The following SPAG1 variants were observed in gnomAD, a reference collection of about 807,000 sequenced individuals.
SPAG1 encodes sperm associated antigen 1.
SPAG1 carries 69 observed loss-of-function variants against 100.5 expected under a neutral mutation model. That is an observed-to-expected ratio of 0.69 (90% CI 0.57 to 0.84). The LOEUF is 0.84. Among genes scored for constraint, SPAG1 ranks in the 40% least tolerant of loss-of-function variants. The pLI, the probability that SPAG1 is intolerant of heterozygous loss-of-function variation, is 0.00. For synonymous variants in SPAG1, 336 were observed against 411.6 expected, an observed-to-expected ratio of 0.82 and a Z score of 2.22; for missense variants, 955 against 1,133.1, an observed-to-expected ratio of 0.84 and a Z score of 2.26.
intron 10 of SPAG1, 134 bp downstream of exon 10, chr8:100,194,402 G>A: frequency 7.9e-7 from 1 of 1,267,084 alleles, no homozygotes; most frequent in Non-Finnish European, 1.1e-6. Flanking sequence ...TCACAAGCCA[G>A]TTTCGCTCAT....
rs141001200 is a variant in SPAG1 at position 100,238,288 on chromosome 8, TC to T, written c.2116-949del. ...ATAAACTAGAGCAGATTTAAGGTTA[TC>T]CCTTTAAATATGTCCCTCTTGCTCT... On this transcript the variant is annotated intron_variant, in intron 16 of 18. Transcript: ENST00000388798. Among the ~76,000 whole-genome samples the T allele has an allele frequency of 5.1e-3, 779 of 152,302 alleles. 9 individuals carry two copies. The highest frequency in any genetic ancestry group is 0.018 in the African/African-American group (762 of 41,562).
In SPAG1 at chr8:100,189,681, G is replaced by A. The variant is rs1395807057; in HGVS notation, c.833-1709G>A. ...AAAAAAATAAATAAATACAGAATAT[G>A]TTAGCATTAGGTAAAGCTGAGTTAA... is the stretch of plus-strand genomic sequence containing the variant. On this transcript the variant is annotated intron_variant, in intron 8 of 18. Coordinates refer to ENST00000388798, the MANE Select transcript of SPAG1 (RefSeq NM_003114.5). Among the ~76,000 whole-genome samples, 3 of 152,136 alleles carry A rather than the reference G, an allele frequency of 2.0e-5. No homozygotes were observed. In the East Asian group the frequency reaches 5.8e-4, roughly 29 times the overall value.
chr8:100,202,020 T>C (rs894827665), intron 10 of SPAG1, among the ~76,000 whole-genome samples: 4 of 152,162 alleles, frequency 2.6e-5, no homozygotes, highest in African/African-American at 9.7e-5. Flanking sequence ...GGCCCAGACT[T>C]GTAACTGGTG....
intron 13 of SPAG1, 95 bp downstream of exon 13, chr8:100,220,526 T>C (rs993570467): frequency 9.7e-7 from 1 of 1,031,804 alleles, no homozygotes; most frequent in Middle Eastern, 2.2e-4. Flanking sequence ...AGATGTGTTA[T>C]CAGTTACTTT....
intron 13 of SPAG1, among the ~76,000 whole-genome samples, chr8:100,223,578 A>G (rs886531489): frequency 1.5e-5 from 2 of 136,886 alleles, no homozygotes; most frequent in Admixed American, 8.1e-5. Context: ...AAACAGCAGA[A>G]GCTTTTTTTT....
At chr8:100,202,526 C>T (rs1817323741) in intron 10 of SPAG1, among the ~76,000 whole-genome samples, 3 of 149,764 alleles carry the variant, frequency 2.0e-5, no homozygotes, top group Non-Finnish European at 3.0e-5. Flanking sequence ...CTGGCTAACA[C>T]GGTGAAACCC....
chr8:100,167,115 C>G (rs1362101195), intron 3 of SPAG1, among the ~76,000 whole-genome samples: 2 of 152,012 alleles, frequency 1.3e-5, no homozygotes, highest in African/African-American at 4.8e-5. Flanking sequence ...CCCAAGAGTT[C>G]AAGGCCAGCC....
intron 1 of SPAG1, among the ~76,000 whole-genome samples, chr8:100,160,022 T>A (rs1042299179): frequency 6.6e-6 from 1 of 152,232 alleles, no homozygotes; most frequent in African/African-American, 2.4e-5. Flanking sequence ...ACTTAAAACC[T>A]ACCCGGTACA....
At chr8:100,210,871 AG>A (rs1817690744) in intron 10 of SPAG1, among the ~76,000 whole-genome samples, 1 of 150,292 alleles carries the variant, frequency 6.7e-6, no homozygotes, top group African/African-American at 2.5e-5. Flanking sequence ...CCTGTCGCCC[AG>A]GGTGGAGTGC....
Position 100,206,767 on chromosome 8 carries a change from G to A in SPAG1, c.1097-6323G>A, listed in dbSNP as rs73280938. Among the ~76,000 whole-genome samples, 749 of 152,240 alleles carry A rather than the reference G, an allele frequency of 4.9e-3. 11 individuals are homozygous for A. Among genetic ancestry groups the A allele is most frequent in the African/African-American group, 0.018 (730 of 41,538 alleles). ...TGTCACAAGGCCTATTTGGATTTTC[G>A]AGGCAACACATTCTTCATTTGGGTG... On this transcript the variant is annotated intron_variant, in intron 10 of 18. Transcript: ENST00000388798.
chr8:100,223,912 G>T (rs1420247469), intron 13 of SPAG1, among the ~76,000 whole-genome samples: 1 of 151,928 alleles, frequency 6.6e-6, no homozygotes, highest in East Asian at 1.9e-4. Flanking sequence ...TTAAGAAACT[G>T]TAGGGAAATT....
intron 12 of SPAG1, among the ~76,000 whole-genome samples, chr8:100,216,931 CTTTTTT>C (rs141365826): frequency 4.8e-5 from 4 of 84,152 alleles, no homozygotes; most frequent in African/African-American, 1.5e-4. Flanking sequence ...TCCATGAGTT[CTTTTTT>C]TTTTTTTTTT....
chr8:100,186,830 C>A (rs1816606378), intron 7 of SPAG1, among the ~76,000 whole-genome samples: 1 of 152,102 alleles, frequency 6.6e-6, no homozygotes, highest in Non-Finnish European at 1.5e-5. Flanking sequence ...ACAGTCTGTC[C>A]ATACATGTAT....
rs6511 is a variant in SPAG1 at position 100,240,452 on chromosome 8, T to C, written c.2330T>C (p.Met777Thr). 0.61 allele frequency: 985,866 copies of C among 1,613,048 alleles called. 302,826 individuals are homozygous for C. Among genetic ancestry groups the C allele is most frequent in the Admixed American group, 0.71 (42,611 of 59,928 alleles). ...GGAAGACCTGCAGGGGAGGTCTCCATGGGATGCCTTGCTTCTGAGAAGGGA... is the reference window on the plus strand; with the variant it reads ...GGAAGACCTGCAGGGGAGGTCTCCACGGGATGCCTTGCTTCTGAGAAGGGA... ...EPGRPAGEVSMGCLASEKGGK... is the reference protein window; with the variant it reads ...EPGRPAGEVSTGCLASEKGGK... The change falls in exon 18 of 19, where the codon ATG (methionine) becomes ACG (threonine). Residue 777 changes from methionine (M) to threonine (T), a missense_variant. Met to Thr is a moderately conservative substitution (Grantham distance 81). Transcript: ENST00000388798.
At chr8:100,220,253 G>A (rs758617170) in intron 12 of SPAG1, 26 bp from the exon 13 acceptor site, 1 of 1,592,858 alleles carries the variant, frequency 6.3e-7, no homozygotes, top group East Asian at 2.2e-5. Flanking sequence ...AAAACAAATG[G>A]TATGTAATAT....
intron 10 of SPAG1, among the ~76,000 whole-genome samples, chr8:100,210,710 G>A (rs1817683610): frequency 1.3e-5 from 2 of 151,924 alleles, no homozygotes; most frequent in Non-Finnish European, 2.9e-5. Context: ...TTGTAGAGAT[G>A]GAGTCTTGCT....
chr8:100,165,544 CG>C, intron 2 of SPAG1: 2 of 386,402 alleles, frequency 5.2e-6, no homozygotes, highest in South Asian at 2.7e-5. Context: ...TCCACGGTGC[CG>C]GGGACCACAC....
intron 7 of SPAG1, among the ~76,000 whole-genome samples, chr8:100,185,685 T>C (rs930200691): frequency 2.6e-5 from 4 of 152,266 alleles, no homozygotes; most frequent in African/African-American, 7.2e-5. Flanking sequence ...ACTGTTCTTA[T>C]AGAATCACTA....
Position 100,194,186 on chromosome 8 carries a change from G to A in SPAG1, c.1014G>A (p.Arg338=). 6.2e-7 allele frequency: 1 copy of A among 1,611,928 alleles called. No homozygotes were observed. ...CTGAGACTCAAACCAAAGGGAAAAG[G>A]ATGGTTATTCAGGAAATAGAAAACT... ...AASETQTKGK[R]MVIQEIENSE... The change falls in exon 10 of 19, where the codon AGG becomes AGA. Residue 338 remains arginine, a synonymous_variant. Transcript: ENST00000388798.
Sources: gnomAD v4.1 joint callset for allele counts (sites outside exome capture counted in the v4.1 genomes callset) on GRCh38, gnomAD v4.1.1 for gene constraint, MANE v1.5 for transcripts, NCBI Gene and HGNC (gene_info 2026-07-23, HGNC 2026-07-21) for gene names.